PPP1R1B: variants seen among roughly 807,000 people sequenced by gnomAD.
PPP1R1B encodes protein phosphatase 1 regulatory subunit 1B.
A neutral mutation model predicts 28.2 loss-of-function variants in PPP1R1B; 13 were observed. The observed-to-expected ratio is 0.46, with a 90% CI of 0.30 to 0.73. The LOEUF (loss-of-function observed/expected upper bound fraction) is 0.73. Among genes scored for constraint, PPP1R1B ranks in the 30% least tolerant of loss-of-function variants. The pLI, the probability that PPP1R1B is intolerant of heterozygous loss-of-function variation, is 0.07. For synonymous variants in PPP1R1B, 102 were observed against 97.5 expected, an observed-to-expected ratio of 1.05 and a Z score of -0.27; for missense variants, 236 against 256.7, an observed-to-expected ratio of 0.92 and a Z score of 0.55.
At chr17:39,629,433 A>G in intron 2 of PPP1R1B, 107 bp from the exon 3 acceptor site, 1 of 1,453,956 alleles carries the variant, frequency 6.9e-7, no homozygotes, top group South Asian at 1.2e-5. Context: ...CCCTGTCCCC[A>G]GAGATTGAGA....
intron 1 of PPP1R1B, 79 bp from the exon 2 acceptor site, chr17:39,629,091 C>T: frequency 7.2e-7 from 1 of 1,391,710 alleles, no homozygotes; most frequent in Non-Finnish European, 1.0e-6. Context: ...GACTCCAAAG[C>T]ACTGTTTGTT....
chr17:39,629,584 G>C, intron 3 of PPP1R1B, 22 bp downstream of exon 3: 1 of 1,613,418 alleles, frequency 6.2e-7, no homozygotes, highest in Non-Finnish European at 8.5e-7. Flanking sequence ...GGGGCAGCTG[G>C]AAGGAGGGAT....
intron 5 of PPP1R1B, among the ~76,000 whole-genome samples, chr17:39,635,215 CAA>C (rs1443210717): frequency 1.3e-5 from 2 of 151,602 alleles, no homozygotes; most frequent in Non-Finnish European, 2.9e-5. Flanking sequence ...AACAAAAAAC[CAA>C]AACAAAACAA....
Position 39,630,002 on chromosome 17 carries a change from T to C in PPP1R1B, c.196T>C (p.Ser66Pro). 3 of 1,614,042 alleles carry C rather than the reference T, an allele frequency of 1.9e-6. No homozygotes were observed. The highest frequency in any genetic ancestry group is 2.5e-6 in the Non-Finnish European group (3 of 1,180,012). The part of the protein sequence containing the change: ...RASGEGHHLK[S>P]KRPNPCAYTP... ...CTCAGGAGAGGGGCACCATCTCAAG[T>C]CGAAGAGACCCAACCCCTGTGCCTA... The change falls in exon 4 of 7, where the codon TCG becomes CCG. Residue 66 changes from serine to proline, a missense_variant. Transcript: ENST00000254079.
At chr17:39,633,730 C>A in intron 4 of PPP1R1B, 153 bp from the exon 5 acceptor site, 1 of 1,374,136 alleles carries the variant, frequency 7.3e-7, no homozygotes, top group Non-Finnish European at 9.8e-7. Flanking sequence ...TCAGGCTGAC[C>A]TGTCAACTTT....
In PPP1R1B at chr17:39,629,188, A is replaced by G; in HGVS notation, c.100A>G (p.Thr34Ala). ...QVEMIRRRRP[T>A]PAMLFRLSEH... ...TCCTTAGATCCGGCGCAGGAGACCAACGCCTGCCATGCTGTTCCGGCTCTC... is the reference window on the plus strand; with the variant it reads ...TCCTTAGATCCGGCGCAGGAGACCAGCGCCTGCCATGCTGTTCCGGCTCTC... The change falls in exon 2 of 7, where the codon ACG becomes GCG. Residue 34 changes from threonine (T) to alanine (A), a missense_variant. By Grantham distance (58) the Thr-to-Ala change is moderately conservative. Transcript: ENST00000254079. 1 of 1,613,438 alleles carries G rather than the reference A, an allele frequency of 6.2e-7. No individual in the cohort carries two copies. The highest frequency in any genetic ancestry group is 8.5e-7 in the Non-Finnish European group (1 of 1,179,862).
In PPP1R1B at chr17:39,631,973, C is replaced by T. The variant is rs1042514463; in HGVS notation, c.242-1910C>T. On this transcript the variant is annotated intron_variant, in intron 4 of 6. Coordinates refer to ENST00000254079, the MANE Select transcript of PPP1R1B (RefSeq NM_032192.4). ...GGAAGACCTGGCTCTTGACTGCAAG[C>T]ATGGGCGAACAGGCCAGGATGAAGA... Among the ~76,000 whole-genome samples, 6 of 152,158 alleles carry T rather than the reference C, an allele frequency of 3.9e-5. No individual in the cohort carries two copies. The South Asian group carries it at 1.2e-3, about 32-fold the overall frequency.
intron 4 of PPP1R1B, 138 bp from the exon 5 acceptor site, chr17:39,633,745 T>C (rs11651497): frequency 0.74 from 1,104,681 of 1,491,828 alleles, 420,483 homozygotes; most frequent in Non-Finnish European, 0.78. Flanking sequence ...AACTTTGGCC[T>C]TTGAACTTGG....
chr17:39,635,507 G>A, intron 5 of PPP1R1B, 100 bp from the exon 6 acceptor site: 2 of 1,491,728 alleles, frequency 1.3e-6, no homozygotes, highest in Non-Finnish European at 1.8e-6. Context: ...TGATGCCCCT[G>A]GAAAGCTTAA....
At chr17:39,632,810 C>A (rs942380911) in intron 4 of PPP1R1B, 6 of 152,192 alleles carry the variant, frequency 3.9e-5, no homozygotes, top group Admixed American at 3.3e-4. Flanking sequence ...GAGCATAGCA[C>A]CCTGCTCACT....
Position 39,635,624 on chromosome 17 carries a change from T to A in PPP1R1B, c.463T>A (p.Cys155Ser). 1 of 1,613,976 alleles carries A rather than the reference T, an allele frequency of 6.2e-7. No homozygotes were observed. Among genetic ancestry groups the A allele is most frequent in the Middle Eastern group, 1.7e-4 (1 of 6,060 alleles). ...IRQSAGQKTT[C>S]GQGLEGPWER... ...ATCCCCAGCTGGGCAAAAGACAACCTGTGGCCAGGGTCTGGAAGGGCCCTG... is the reference window on the plus strand; with the variant it reads ...ATCCCCAGCTGGGCAAAAGACAACCAGTGGCCAGGGTCTGGAAGGGCCCTG... The change falls in exon 6 of 7, where the codon TGT becomes AGT. Residue 155 changes from cysteine to serine, a missense_variant. Cys to Ser is a moderately radical substitution (Grantham distance 112). Transcript: ENST00000254079.
chr17:39,633,763 A>AG, intron 4 of PPP1R1B, 120 bp from the exon 5 acceptor site: 1 of 1,535,080 alleles, frequency 6.5e-7, no homozygotes, highest in Non-Finnish European at 8.7e-7. Flanking sequence ...TGGGCCCCTG[A>AG]GGGGGTATTC....
At chr17:39,627,958 G>A (rs1248522267) in intron 1 of PPP1R1B, among the ~76,000 whole-genome samples, 1 of 152,100 alleles carries the variant, frequency 6.6e-6, no homozygotes, top group Non-Finnish European at 1.5e-5. Flanking sequence ...CTCTAATCCC[G>A]CGTGTGTGCC....
At position 39,635,807 on chromosome 17, in the gene PPP1R1B, G is replaced by C; in HGVS notation, c.566-9G>C. 6.2e-7 allele frequency: 1 copy of C among 1,613,976 alleles called. No individual in the cohort carries two copies. Among genetic ancestry groups the C allele is most frequent in the Non-Finnish European group, 8.5e-7 (1 of 1,179,978 alleles). Reference sequence around the variant, plus strand: ...CCAGGCCCTGAGTCCCTCTCTGCTTGCCTTTCAGAGCCTGGGGAGGAACCT... The same window carrying C: ...CCAGGCCCTGAGTCCCTCTCTGCTTCCCTTTCAGAGCCTGGGGAGGAACCT... On this transcript the variant is annotated splice_polypyrimidine_tract_variant and intron_variant, in intron 6 of 6. Coordinates refer to ENST00000254079, the MANE Select transcript of PPP1R1B (RefSeq NM_032192.4).
chr17:39,634,988 G>A (rs962793920), intron 5 of PPP1R1B, among the ~76,000 whole-genome samples: 1 of 152,192 alleles, frequency 6.6e-6, no homozygotes, highest in Non-Finnish European at 1.5e-5. Flanking sequence ...TTGAGGTCTG[G>A]AGTTCAAGAC....
At chr17:39,631,545 G>T (rs1426000302) in intron 4 of PPP1R1B, among the ~76,000 whole-genome samples, 1 of 152,158 alleles carries the variant, frequency 6.6e-6, no homozygotes, top group Non-Finnish European at 1.5e-5. Flanking sequence ...TGCCCGGCCA[G>T]CCCCCTCCGC....
At chr17:39,632,759 CACAT>C (rs934229386) in intron 4 of PPP1R1B, 6 of 152,228 alleles carry the variant, frequency 3.9e-5, no homozygotes, top group African/African-American at 1.4e-4. Context: ...GGGCAGCGGG[CACAT>C]ACAAAGCACC....
At chr17:39,630,653 G>A (rs752291446) in intron 4 of PPP1R1B, among the ~76,000 whole-genome samples, 2 of 152,240 alleles carry the variant, frequency 1.3e-5, no homozygotes, top group Non-Finnish European at 2.9e-5. Context: ...GCCAAGTAAG[G>A]TGGCTCACAC....
At position 39,635,646 on chromosome 17, in the gene PPP1R1B, C is replaced by T; in HGVS notation, c.485C>T (p.Pro162Leu). Residue 162 changes from proline (P) to leucine (L), a missense_variant, in exon 6 of 7, where the codon CCC (proline) becomes CTC (leucine). Physicochemically the swap from Pro to Leu is moderately conservative, Grantham distance 98 (BLOSUM62 -3). Transcript: ENST00000254079. ...KTTCGQGLEG[P>L]WERPPPLDES... ...ACCTGTGGCCAGGGTCTGGAAGGGC[C>T]CTGGGAGCGCCCACCCCCTCTGGAT... 6.2e-7 allele frequency: 1 copy of T among 1,614,128 alleles called. No homozygotes were observed. The highest frequency in any genetic ancestry group is 8.5e-7 in the Non-Finnish European group (1 of 1,180,014).
Sources: gnomAD v4.1 joint callset for allele counts (sites outside exome capture counted in the v4.1 genomes callset) on GRCh38, gnomAD v4.1.1 for gene constraint, MANE v1.5 for transcripts, NCBI Gene and HGNC (gene_info 2026-07-23, HGNC 2026-07-21) for gene names.